MED27: variants seen among roughly 807,000 people sequenced by gnomAD.
MED27 encodes mediator of RNA polymerase II transcription subunit 27.
MED27 carries 30 observed loss-of-function variants against 38.2 expected under a neutral mutation model. The ratio of observed to expected loss-of-function variants is 0.79; its 90% CI spans 0.59 to 1.07. The LOEUF is 1.07. Among genes scored for constraint, MED27 ranks in the 50% least tolerant of loss-of-function variants. The pLI, the probability that MED27 is intolerant of heterozygous loss-of-function variation, is 0.00. For missense variants in MED27, 289 were observed against 397.5 expected (o/e 0.73, Z 2.32); for synonymous variants, 122 against 153.5 (o/e 0.79, Z 1.52).
chr9:131,927,768 C>A (rs914499618), intron 4 of MED27, among the ~76,000 whole-genome samples: 5 of 152,184 alleles, frequency 3.3e-5, no homozygotes, highest in Non-Finnish European at 7.3e-5. Context: ...CAAAAAGTGC[C>A]AATTTGGTAG....
intron 4 of MED27, among the ~76,000 whole-genome samples, chr9:131,908,889 AAAG>A (rs1054780559): frequency 1.3e-5 from 2 of 152,096 alleles, no homozygotes; most frequent in Non-Finnish European, 1.5e-5. Context: ...AAAAAAAAAA[AAAG>A]AACTTTAATA....
chr9:131,939,243 G>A, intron 4 of MED27, 138 bp downstream of exon 4: 1 of 478,350 alleles, frequency 2.1e-6, no homozygotes, highest in Non-Finnish European at 3.6e-6. Flanking sequence ...CAGAATGCCA[G>A]TAAAGAAACT....
chr9:131,971,919 T>C (rs1033039211), intron 3 of MED27, among the ~76,000 whole-genome samples: 4 of 152,198 alleles, frequency 2.6e-5, no homozygotes, highest in Admixed American at 6.5e-5. Context: ...CTTACATGTG[T>C]GGTCACTGAG....
At chr9:132,058,217 C>T (rs1833622158) in intron 2 of MED27, among the ~76,000 whole-genome samples, 1 of 152,308 alleles carries the variant, frequency 6.6e-6, no homozygotes, top group East Asian at 1.9e-4. Context: ...GGACACTGGT[C>T]TCCCTCTTCC....
intron 3 of MED27, among the ~76,000 whole-genome samples, chr9:131,946,025 T>C (rs1830881450): frequency 1.3e-5 from 2 of 151,994 alleles, no homozygotes; most frequent in Non-Finnish European, 2.9e-5. Context: ...CTCTGGCTTA[T>C]TTTATTTAAT....
chr9:131,935,924 C>T (rs542311710), intron 4 of MED27, among the ~76,000 whole-genome samples: 43 of 151,778 alleles, frequency 2.8e-4, no homozygotes, highest in Admixed American at 1.1e-3. Context: ...CTGAGGCAGA[C>T]GCATCACTTG....
chr9:131,888,981 A>T (rs778537021), intron 5 of MED27, among the ~76,000 whole-genome samples: 15 of 152,200 alleles, frequency 9.9e-5, no homozygotes, highest in Non-Finnish European at 1.8e-4. Flanking sequence ...ATTAAACTGG[A>T]TTCCCCTTTC....
chr9:132,004,336 TTCC>T (rs1419123020), intron 3 of MED27, among the ~76,000 whole-genome samples: 1 of 152,246 alleles, frequency 6.6e-6, no homozygotes, highest in Non-Finnish European at 1.5e-5. Context: ...TTATGAGGGA[TTCC>T]TCGTTTATTT....
chr9:131,911,074 T>A (rs969278640), intron 4 of MED27, among the ~76,000 whole-genome samples: 2 of 151,782 alleles, frequency 1.3e-5, no homozygotes, highest in Non-Finnish European at 2.9e-5. Context: ...TTACAAGAGA[T>A]TTTTTTTTCA....
At chr9:131,866,973 T>C (rs1838747124) in intron 6 of MED27, among the ~76,000 whole-genome samples, 2 of 152,116 alleles carry the variant, frequency 1.3e-5, no homozygotes, top group African/African-American at 4.8e-5. Context: ...CCTTTCCCCC[T>C]CTCCTTCGCG....
chr9:131,957,514 C>T lies in MED27; in HGVS notation c.480-18040G>A, dbSNP rs2130993346. 2.0e-5 allele frequency among the ~76,000 whole-genome samples: 3 copies of T among 152,242 alleles called. No individual in the cohort carries two copies. In the South Asian group the frequency reaches 6.2e-4, roughly 32 times the overall value. On this transcript the variant is annotated intron_variant, in intron 3 of 7. Coordinates refer to ENST00000292035, the MANE Select transcript of MED27 (RefSeq NM_004269.4). ...CAAGCGAGCCTCCCCCTTTGGCCTC[C>T]CAAAGCATTGGGATTACAATGTAGC...
At chr9:131,993,067 T>C (rs942902343) in intron 3 of MED27, among the ~76,000 whole-genome samples, 2 of 152,204 alleles carry the variant, frequency 1.3e-5, no homozygotes, top group African/African-American at 4.8e-5. Flanking sequence ...CCTGTTTGTT[T>C]AGCCTATGCA....
In MED27 at chr9:132,017,446, A is replaced by C. The variant is rs144528267; in HGVS notation, c.349-2979T>G. On this transcript the variant is annotated intron_variant, in intron 2 of 7. Coordinates refer to ENST00000292035, the MANE Select transcript of MED27 (RefSeq NM_004269.4). ...AACATACTTCTCTCCAAATGTCTGC[A>C]GCATGGAAACAAGTCTATTTCAAAA... 3.9e-3 allele frequency among the ~76,000 whole-genome samples: 591 copies of C among 152,370 alleles called. 6 individuals are homozygous for C. The highest frequency in any genetic ancestry group is 0.013 in the African/African-American group (553 of 41,590).
intron 6 of MED27, among the ~76,000 whole-genome samples, chr9:131,871,477 AG>A (rs758802380): frequency 1.3e-5 from 2 of 152,182 alleles, no homozygotes; most frequent in African/African-American, 2.4e-5. Flanking sequence ...GGCTCCTTGA[AG>A]GGGAAAAGTT....
chr9:131,961,967 C>T (rs1381591969), intron 3 of MED27, among the ~76,000 whole-genome samples: 1 of 152,124 alleles, frequency 6.6e-6, no homozygotes. Flanking sequence ...TCATATAATC[C>T]TGGAGACAGA....
intron 2 of MED27, among the ~76,000 whole-genome samples, chr9:132,053,816 G>A (rs980617155): frequency 2.0e-5 from 3 of 152,164 alleles, no homozygotes; most frequent in African/African-American, 7.2e-5. Context: ...CCCCTGGTGA[G>A]TACCAGGTGA....
chr9:131,889,988 T>C lies in MED27; in HGVS notation c.681+3897A>G, dbSNP rs1663964762. ...ACAACGTGCTCTTGTAGAACACATG[T>C]CAGGCCCCAAGGGCTCCTTCCAGAC... On this transcript the variant is annotated intron_variant, in intron 5 of 7. Transcript: ENST00000292035. This position sits in a 1 kb window ranked among gnomAD's most constrained non-coding sequence, Gnocchi z 4.2. Among the ~76,000 whole-genome samples the C allele has an allele frequency of 1.3e-5, 2 of 152,188 alleles. No homozygotes were observed. The highest frequency in any genetic ancestry group is 4.8e-5 in the African/African-American group (2 of 41,438).
At chr9:131,903,991 C>T (rs947404850) in intron 4 of MED27, among the ~76,000 whole-genome samples, 20 of 151,758 alleles carry the variant, frequency 1.3e-4, no homozygotes, top group Non-Finnish European at 2.4e-4. Flanking sequence ...CTCTGCCTCC[C>T]GGGTTCAAGT....
intron 2 of MED27, among the ~76,000 whole-genome samples, chr9:132,042,910 GCCAACTCTAGCTATGGGAACAA>G (rs1833249580): frequency 6.6e-6 from 1 of 152,108 alleles, no homozygotes; most frequent in Non-Finnish European, 1.5e-5. Flanking sequence ...CATTACCTTT[GCCAACTCTAGCTATGGGAACAA>G]ATTAGAGAGG....
Sources: allele counts gnomAD v4.1 joint callset (sites outside exome capture counted in the v4.1 genomes callset), GRCh38; gene constraint gnomAD v4.1.1; non-coding constraint Gnocchi (gnomAD v3.1); transcripts MANE v1.5; gene names NCBI Gene and HGNC (gene_info 2026-07-23, HGNC 2026-07-21).